Variants in GPR158 observed in about 807,000 individuals in gnomAD.
GPR158 encodes the protein metabotropic glycine receptor.
In GPR158, 30 loss-of-function variants were observed where a neutral mutation model predicts 78.2. That is an observed-to-expected ratio of 0.38 (90% CI 0.29 to 0.52). GPR158 has a LOEUF of 0.52. GPR158 is among the 20% of genes least tolerant of loss of function. The pLI, the probability that GPR158 is intolerant of heterozygous loss-of-function variation, is 0.83. For synonymous variants in GPR158, 581 were observed against 591.1 expected, an observed-to-expected ratio of 0.98 and a Z score of 0.25; for missense variants, 1,463 against 1,523.5, an observed-to-expected ratio of 0.96 and a Z score of 0.66.
intron 6 of GPR158, among the ~76,000 whole-genome samples, chr10:25,558,674 C>G (rs77729637): frequency 6.6e-6 from 1 of 152,222 alleles, no homozygotes; most frequent in South Asian, 2.1e-4. Context: ...TGTACATGCT[C>G]AGTCCAAAAC....
At position 25,589,110 on chromosome 10, in the gene GPR158, T is replaced by C. The variant is rs781652930; in HGVS notation, c.1857T>C (p.Asn619=). 1.2e-6 allele frequency: 2 copies of C among 1,612,626 alleles called. No individual in the cohort carries two copies. The highest frequency in any genetic ancestry group is 1.7e-6 in the Non-Finnish European group (2 of 1,178,888). Reference sequence around the variant, plus strand: ...GCTATATGGCTGTTGCAGTTCACAATGAGCTCATCATCTCTGCTATATTCC... The same window carrying C: ...GCTATATGGCTGTTGCAGTTCACAACGAGCTCATCATCTCTGCTATATTCC... ...EPRYMAVAVH[N]ELIISAIFHT... Residue 619 remains asparagine, a synonymous_variant, in exon 8 of 11, where the codon AAT becomes AAC. Transcript: ENST00000376351.
At chr10:25,189,403 T>C (rs956014224) in intron 1 of GPR158, among the ~76,000 whole-genome samples, 2 of 152,092 alleles carry the variant, frequency 1.3e-5, no homozygotes, top group East Asian at 3.9e-4. Context: ...CCATCGATGA[T>C]AGACTGGATT....
At chr10:25,243,328 A>C (rs1853650034) in intron 2 of GPR158, among the ~76,000 whole-genome samples, 1 of 152,346 alleles carries the variant, frequency 6.6e-6, no homozygotes, top group Non-Finnish European at 1.5e-5. Flanking sequence ...GTAATTGGCT[A>C]TAAAATGGAA....
intron 6 of GPR158, 53 bp downstream of exon 6, chr10:25,551,138 T>C: frequency 2.0e-6 from 2 of 1,022,504 alleles, no homozygotes; most frequent in Non-Finnish European, 3.1e-6. Flanking sequence ...ACTAATCAGC[T>C]TGGCACATAA....
At position 25,412,428 on chromosome 10, in the gene GPR158, C is replaced by G. The variant is rs755205413; in HGVS notation, c.1290C>G (p.Leu430=). The G allele has an allele frequency of 1.9e-5, 30 of 1,613,878 alleles. No individual in the cohort carries two copies. The highest frequency in any genetic ancestry group is 8.5e-7 in the Non-Finnish European group (1 of 1,179,890). Reference sequence around the variant, plus strand: ...CCTTCCAAGCCCTGTGTATGCTGCTCGACTTCGTTAGCATGCTGGTGGTCT... The same window carrying G: ...CCTTCCAAGCCCTGTGTATGCTGCTGGACTTCGTTAGCATGCTGGTGGTCT... The part of the protein sequence containing the change: ...IISFQALCML[L]DFVSMLVVYH... The change falls in exon 4 of 11, where the codon CTC becomes CTG. Residue 430 remains leucine, a synonymous_variant. Coordinates refer to ENST00000376351, the MANE Select transcript of GPR158 (RefSeq NM_020752.3).
At chr10:25,555,478 C>T (rs1836776873) in intron 6 of GPR158, among the ~76,000 whole-genome samples, 1 of 152,148 alleles carries the variant, frequency 6.6e-6, no homozygotes, top group African/African-American at 2.4e-5. Flanking sequence ...TGGGGCAGAT[C>T]TAAAAGAACA....
At chr10:25,288,612 C>G (rs1406654833) in intron 2 of GPR158, among the ~76,000 whole-genome samples, 1 of 152,176 alleles carries the variant, frequency 6.6e-6, no homozygotes, top group African/African-American at 2.4e-5. Context: ...TTCAGATTGC[C>G]ATGTAATTGT....
chr10:25,555,263 T>G lies in GPR158; in HGVS notation c.1514+4178T>G, dbSNP rs556270016. Reference sequence around the variant, plus strand: ...GTTTTTCTCAATTCTGTGAAGAAAGTCATTGGTAGCTTGATGGGGATGGCA... The same window carrying G: ...GTTTTTCTCAATTCTGTGAAGAAAGGCATTGGTAGCTTGATGGGGATGGCA... On this transcript the variant is annotated intron_variant, in intron 6 of 10. Transcript: ENST00000376351. Among the ~76,000 whole-genome samples, 5 of 152,136 alleles carry G rather than the reference T, an allele frequency of 3.3e-5. No individual in the cohort carries two copies. In the South Asian group the frequency reaches 1.0e-3, roughly 32 times the overall value.
chr10:25,402,063 CA>C (rs1834454514), intron 3 of GPR158, among the ~76,000 whole-genome samples: 2 of 152,034 alleles, frequency 1.3e-5, no homozygotes, highest in African/African-American at 4.8e-5. Context: ...ACCACCTTCC[CA>C]AGTAATTAAT....
In GPR158 at chr10:25,594,367, AG is replaced by A; in HGVS notation, c.1969del (p.Val657SerfsTer7). 6.3e-7 allele frequency: 1 copy of A among 1,577,834 alleles called. No homozygotes were observed. Among genetic ancestry groups the A allele is most frequent in the Non-Finnish European group, 8.7e-7 (1 of 1,149,110 alleles). ...YFAHTHLTVT[V>X]TIGLLLIPKF... ...TTGCACATACTCATTTGACTGTGAC[AG>A]TCACCATTGGGTTGCTTTTGATTCC... On this transcript the variant is annotated frameshift_variant, in exon 9 of 11. Transcript: ENST00000376351. LOFTEE classifies it high-confidence loss of function.
At chr10:25,187,696 G>A (rs1852707766) in intron 1 of GPR158, among the ~76,000 whole-genome samples, 1 of 152,148 alleles carries the variant, frequency 6.6e-6, no homozygotes, top group Admixed American at 6.6e-5. Flanking sequence ...GGCAAAAACT[G>A]GAAGCATTCC....
chr10:25,262,988 G>A (rs1013315579), intron 2 of GPR158, among the ~76,000 whole-genome samples: 9 of 152,126 alleles, frequency 5.9e-5, no homozygotes, highest in African/African-American at 2.2e-4. Context: ...TTTTTTCCCA[G>A]TGTGTGGCTT....
intron 5 of GPR158, among the ~76,000 whole-genome samples, chr10:25,467,211 A>C (rs1349118451): frequency 6.6e-6 from 1 of 152,176 alleles, no homozygotes; most frequent in East Asian, 1.9e-4. Flanking sequence ...AATCTGTCTA[A>C]AGACCTGGGA....
At chr10:25,282,023 T>C (rs1432752263) in intron 2 of GPR158, among the ~76,000 whole-genome samples, 1 of 152,252 alleles carries the variant, frequency 6.6e-6, no homozygotes, top group Middle Eastern at 3.2e-3. Flanking sequence ...ACATACCTAT[T>C]AGTTTTGATG....
chr10:25,598,039 G>A lies in GPR158; in HGVS notation c.2413G>A (p.Glu805Lys). 6.2e-7 allele frequency: 1 copy of A among 1,613,986 alleles called. No individual in the cohort carries two copies. The highest frequency in any genetic ancestry group is 8.5e-7 in the Non-Finnish European group (1 of 1,180,002). ...SSGNTGKSKE[E>K]TLKNRVFSLK... Reference sequence around the variant, plus strand: ...AGGGAACACAGGGAAATCCAAGGAGGAGACCCTGAAAAACCGAGTCTTCTC... The same window carrying A: ...AGGGAACACAGGGAAATCCAAGGAGAAGACCCTGAAAAACCGAGTCTTCTC... The change falls in exon 11 of 11, where the codon GAG becomes AAG. Residue 805 changes from glutamate to lysine, a missense_variant. Coordinates refer to ENST00000376351, the MANE Select transcript of GPR158 (RefSeq NM_020752.3).
chr10:25,595,535 G>C (rs1837392338), intron 9 of GPR158, among the ~76,000 whole-genome samples: 1 of 152,204 alleles, frequency 6.6e-6, no homozygotes, highest in Admixed American at 6.5e-5. Context: ...TAAACAACAT[G>C]TGGTATATCC....
intron 2 of GPR158, among the ~76,000 whole-genome samples, chr10:25,339,367 A>G (rs1245483660): frequency 1.2e-4 from 19 of 152,076 alleles, no homozygotes; most frequent in Admixed American, 1.1e-3. Flanking sequence ...GTTAGTATAC[A>G]AAAATAAAAT....
chr10:25,412,049 AT>A (rs1484940273), intron 3 of GPR158, among the ~76,000 whole-genome samples, 200 bp from the exon 4 acceptor site: 1 of 148,486 alleles, frequency 6.7e-6, no homozygotes, highest in African/African-American at 2.5e-5. Flanking sequence ...TTCAATGATG[AT>A]TTTTAAAATC....
intron 2 of GPR158, among the ~76,000 whole-genome samples, chr10:25,251,853 A>G (rs1450463193): frequency 1.5e-4 from 22 of 151,132 alleles, no homozygotes; most frequent in African/African-American, 2.2e-4. Context: ...GAATCTGAAC[A>G]TTGGCCTGCC....
Sources: allele counts gnomAD v4.1 joint callset (sites outside exome capture counted in the v4.1 genomes callset), GRCh38; gene constraint gnomAD v4.1.1; transcripts MANE v1.5; gene names NCBI Gene and HGNC (gene_info 2026-07-23, HGNC 2026-07-21).